PDE1C: variants seen among roughly 807,000 people sequenced by gnomAD.
PDE1C encodes phosphodiesterase 1C.
PDE1C carries 62 observed loss-of-function variants against 93.1 expected under a neutral mutation model. The observed-to-expected ratio is 0.67, with a 90% CI of 0.54 to 0.82. The LOEUF (loss-of-function observed/expected upper bound fraction) is 0.82, where lower values mean the gene tolerates loss of function less well. Ranked by LOEUF, PDE1C falls within the 40% of genes least tolerant of loss-of-function variation. The pLI is 0.00. For synonymous variants in PDE1C, 325 were observed against 310.1 expected, an observed-to-expected ratio of 1.05 and a Z score of -0.50; for missense variants, 742 against 884.6, an observed-to-expected ratio of 0.84 and a Z score of 2.04.
chr7:31,768,629 A>G (rs539894280), intron 17 of PDE1C, among the ~76,000 whole-genome samples: 1 of 152,292 alleles, frequency 6.6e-6, no homozygotes, highest in South Asian at 2.1e-4. Flanking sequence ...CCCGCCTTCC[A>G]TCTATAGCTT....
chr7:32,217,528 A>G (rs1291383685), intron 1 of PDE1C, among the ~76,000 whole-genome samples: 2 of 152,250 alleles, frequency 1.3e-5, no homozygotes, highest in African/African-American at 4.8e-5. Flanking sequence ...CTTAAAATGT[A>G]TAAATGCATA....
chr7:32,400,712 A>G (rs1466067317), intron 1 of PDE1C, among the ~76,000 whole-genome samples: 1 of 152,208 alleles, frequency 6.6e-6, no homozygotes, highest in African/African-American at 2.4e-5. Flanking sequence ...AATGGCCCCG[A>G]CTGGACTTTG....
At chr7:31,682,178 T>C in the PDE1C span, among the ~76,000 whole-genome samples, 32 of 152,292 alleles carry the variant, frequency 2.1e-4, no homozygotes, top group Admixed American at 1.5e-3. Flanking sequence ...AGGTAGTAAG[T>C]GCTTAGAACA....
At chr7:31,621,126 T>C in the PDE1C span, among the ~76,000 whole-genome samples, 1 of 152,020 alleles carries the variant, frequency 6.6e-6, no homozygotes, top group Non-Finnish European at 1.5e-5. Flanking sequence ...CAAATCTACG[T>C]CTGATTGGTG....
intron 2 of PDE1C, among the ~76,000 whole-genome samples, chr7:31,910,018 C>A (rs1455384197): frequency 6.6e-6 from 1 of 152,126 alleles, no homozygotes; most frequent in African/African-American, 2.4e-5. Flanking sequence ...CAGACTCTGC[C>A]AAATGCCTCC....
intron 3 of PDE1C, among the ~76,000 whole-genome samples, chr7:32,117,289 CTAA>C (rs750679161): frequency 2.0e-5 from 3 of 152,200 alleles, no homozygotes; most frequent in Admixed American, 1.3e-4. Flanking sequence ...CCACGCTCCA[CTAA>C]TAATAATAAC....
chr7:32,163,567 T>C (rs1011672455), intron 3 of PDE1C, among the ~76,000 whole-genome samples: 5 of 152,126 alleles, frequency 3.3e-5, no homozygotes, highest in South Asian at 2.1e-4. Context: ...AATAAGTCCA[T>C]CCTAAGTGGG....
At chr7:31,695,650 T>C in the PDE1C span, 10 of 1,572,624 alleles carry the variant, frequency 6.4e-6, no homozygotes, top group South Asian at 1.1e-4. Flanking sequence ...TGCACAGCTG[T>C]AAAGGAGAGC....
chr7:31,643,498 AC>A, the PDE1C span: 30 of 1,613,738 alleles, frequency 1.9e-5, no homozygotes, highest in Non-Finnish European at 2.5e-5. Context: ...GTCTGTAATG[AC>A]CCAGATGTCC....
the PDE1C span, chr7:31,642,341 C>T: frequency 1.1e-6 from 1 of 918,460 alleles, no homozygotes; most frequent in South Asian, 1.7e-5. Flanking sequence ...ACCCAAACCT[C>T]ACTCACAGCT....
At chr7:32,030,012 C>T (rs1405358589) in intron 2 of PDE1C, among the ~76,000 whole-genome samples, 3 of 151,116 alleles carry the variant, frequency 2.0e-5, no homozygotes, top group Admixed American at 6.6e-5. Flanking sequence ...TTTCTATGAG[C>T]TGACATAGAA....
chr7:31,734,853 A>T, the PDE1C span, among the ~76,000 whole-genome samples: 1 of 152,182 alleles, frequency 6.6e-6, no homozygotes, highest in African/African-American at 2.4e-5. Flanking sequence ...TAAAGACTTT[A>T]GTTGTTTGGA....
rs117811018 is a variant in PDE1C, at chr7:31,933,800, A to G, written c.129-52940T>C. 6.7e-3 allele frequency among the ~76,000 whole-genome samples: 1,015 copies of G among 152,296 alleles called. 3 individuals are homozygous for G. The highest frequency in any genetic ancestry group is 0.014 in the Middle Eastern group (4 of 294). ...CTTGCTCATGCTTCTGCCATGGGAC[A>G]TGCAAGCTCCCACTTCTTCTGCCTT... On this transcript the variant is annotated intron_variant, in intron 2 of 17. Coordinates refer to ENST00000396191, the MANE Select transcript of PDE1C (RefSeq NM_001191057.4).
At chr7:32,210,271 A>G (rs1584965251) in intron 1 of PDE1C, among the ~76,000 whole-genome samples, 1 of 152,332 alleles carries the variant, frequency 6.6e-6, no homozygotes, top group East Asian at 1.9e-4. Flanking sequence ...TTTAAATACC[A>G]TGTTTCATGC....
At chr7:31,912,998 G>GTAAT (rs1801439359) in intron 2 of PDE1C, among the ~76,000 whole-genome samples, 1 of 152,028 alleles carries the variant, frequency 6.6e-6, no homozygotes, top group African/African-American at 2.4e-5. Flanking sequence ...TTAACCTATA[G>GTAAT]TAATATTTCA....
chr7:32,136,947 C>G (rs886369976), intron 3 of PDE1C, among the ~76,000 whole-genome samples: 3 of 152,144 alleles, frequency 2.0e-5, no homozygotes, highest in African/African-American at 7.2e-5. Flanking sequence ...AAGAAGAAAA[C>G]AATTATGCCC....
chr7:32,285,388 A>G (rs1258651610), intron 1 of PDE1C, among the ~76,000 whole-genome samples: 1 of 152,208 alleles, frequency 6.6e-6, no homozygotes, highest in Non-Finnish European at 1.5e-5. Context: ...TGTCCACACA[A>G]AGACATGTAT....
intron 2 of PDE1C, among the ~76,000 whole-genome samples, chr7:31,904,844 T>C (rs1203170831): frequency 6.6e-6 from 1 of 152,188 alleles, no homozygotes; most frequent in Non-Finnish European, 1.5e-5. Flanking sequence ...TGAAATAATT[T>C]TATCATCATA....
chr7:31,868,209 A>T (rs1795524279), intron 6 of PDE1C, among the ~76,000 whole-genome samples: 1 of 152,222 alleles, frequency 6.6e-6, no homozygotes, highest in South Asian at 2.1e-4. Context: ...TCAAAATGAA[A>T]TTTACGAAGT....
Sources: gnomAD v4.1 joint callset for allele counts (sites outside exome capture counted in the v4.1 genomes callset) on GRCh38, gnomAD v4.1.1 for gene constraint, MANE v1.5 for transcripts, NCBI Gene and HGNC (gene_info 2026-07-23, HGNC 2026-07-21) for gene names.